Variants in AQR observed in about 807,000 individuals in gnomAD.
The protein encoded by AQR is aquarius intron-binding spliceosomal factor, also known as RNA helicase aquarius.
AQR carries 61 observed loss-of-function variants against 180.5 expected under a neutral mutation model. That is an observed-to-expected ratio of 0.34 (90% confidence interval 0.28 to 0.42). The LOEUF is 0.42. AQR is among the 10% of genes least tolerant of loss of function. AQR has a pLI of 1.00. For synonymous variants in AQR, 551 were observed against 588.8 expected (o/e 0.94, Z 0.93); for missense variants, 1,281 against 1,798.3 (o/e 0.71, Z 5.20).
chr15:34,946,972 G>A (rs1334712703), intron 5 of AQR, among the ~76,000 whole-genome samples: 1 of 152,048 alleles, frequency 6.6e-6, no homozygotes, highest in Non-Finnish European at 1.5e-5. Context: ...GGGAAGTGAG[G>A]AGCCCCTCTG....
At chr15:34,908,861 C>G (rs74659190) in intron 17 of AQR, among the ~76,000 whole-genome samples, 16,799 of 152,124 alleles carry the variant, frequency 0.11, 1,037 homozygotes, top group Middle Eastern at 0.17. Flanking sequence ...AGTAAGTTAT[C>G]TCAGTTTATT....
intron 5 of AQR, among the ~76,000 whole-genome samples, chr15:34,945,586 A>G (rs1894099010): frequency 2.0e-5 from 3 of 152,182 alleles, no homozygotes; most frequent in East Asian, 1.9e-4. Flanking sequence ...CTGTATTTCT[A>G]TAATAGCTTG....
At chr15:34,935,464 T>A (rs898041019) in intron 9 of AQR, among the ~76,000 whole-genome samples, 8 of 152,196 alleles carry the variant, frequency 5.3e-5, no homozygotes, top group African/African-American at 1.9e-4. Context: ...CAGTGCCAGA[T>A]CTATAGAAGG....
chr15:34,918,108 T>C (rs1489212210), intron 15 of AQR, 150 bp downstream of exon 15: 1 of 749,974 alleles, frequency 1.3e-6, no homozygotes, highest in Admixed American at 3.2e-5. Context: ...ATACTAAATC[T>C]TTTCTAGCTT....
chr15:34,909,289 G>A (rs1180766649), intron 17 of AQR, among the ~76,000 whole-genome samples: 1 of 152,146 alleles, frequency 6.6e-6, no homozygotes, highest in Non-Finnish European at 1.5e-5. Context: ...CCTCTCACAG[G>A]ACAGCTGGGA....
At chr15:34,895,543 G>A (rs1893231171) in intron 22 of AQR, among the ~76,000 whole-genome samples, 1 of 151,836 alleles carries the variant, frequency 6.6e-6, no homozygotes, top group Non-Finnish European at 1.5e-5. Flanking sequence ...AAAGAAAGCT[G>A]CAGTAACGAT....
At chr15:34,946,466 G>C (rs1269743974) in intron 5 of AQR, among the ~76,000 whole-genome samples, 1 of 117,306 alleles carries the variant, frequency 8.5e-6, no homozygotes, top group South Asian at 3.0e-4. Flanking sequence ...CAGCCGCCCC[G>C]TCCAGGAGGG....
rs369222026 is a variant in AQR at position 34,948,320 on chromosome 15, T to C, written c.274A>G (p.Met92Val). Residue 92 changes from methionine to valine, a missense_variant, in exon 5 of 35, where the codon ATG becomes GTG. Physicochemically the swap from Met to Val is conservative, Grantham distance 21. Transcript: ENST00000156471. ...SPEVSSKAYL[M>V]SICCMVNEKF... ...TCATTCACCATACAGCAGATTGACA[T>C]TAAATAGGCCTTGCTAGATACCTCA... The C allele has an allele frequency of 6.2e-7, 1 of 1,613,530 alleles. No homozygotes were observed. The highest frequency in any genetic ancestry group is 8.5e-7 in the Non-Finnish European group (1 of 1,179,966).
intron 22 of AQR, among the ~76,000 whole-genome samples, chr15:34,894,754 T>C (rs1002101278): frequency 2.0e-5 from 3 of 152,130 alleles, no homozygotes; most frequent in Non-Finnish European, 4.4e-5. Flanking sequence ...GGAGTAAGTA[T>C]TTGCCAATCA....
intron 12 of AQR, among the ~76,000 whole-genome samples, chr15:34,929,869 C>T (rs1014671436): frequency 1.6e-4 from 25 of 152,080 alleles, no homozygotes; most frequent in African/African-American, 5.3e-4. Flanking sequence ...CTTTTTTGGG[C>T]GTATCTGAAT....
At chr15:34,929,266 A>G (rs1275224013) in intron 12 of AQR, among the ~76,000 whole-genome samples, 1 of 152,186 alleles carries the variant, frequency 6.6e-6, no homozygotes, top group African/African-American at 2.4e-5. Context: ...GCTTTTGCCC[A>G]TGCCTATGTC....
chr15:34,875,304 CACT>C lies in AQR; in HGVS notation c.3238-443_3238-441del, dbSNP rs772680484. On this transcript the variant is annotated intron_variant, in intron 28 of 34. Transcript: ENST00000156471. ...AAAAACTACCTTCTTTAATTATCTA[CACT>C]ACTACTTCAATTTCCTACTCTATAT... Among the ~76,000 whole-genome samples the C allele has an allele frequency of 1.6e-4, 24 of 152,298 alleles. 6 individuals carry two copies. The highest frequency in any genetic ancestry group is 3.9e-4 in the East Asian group (2 of 5,186).
Position 34,873,909 on chromosome 15 carries a change from G to A in AQR, c.3516C>T (p.Gly1172=). 1 of 1,611,980 alleles carries A rather than the reference G, an allele frequency of 6.2e-7. No individual in the cohort carries two copies. Among genetic ancestry groups the A allele is most frequent in the South Asian group, 1.1e-5 (1 of 90,728 alleles). ...TAATGAGCTGGAAGTCATACAGTAA[G>A]CCAGCATTTGCTGTACTAAACTCTG... The part of the protein sequence containing the change: ...LLPEFSTANA[G]LLYDFQLINV... The change falls in exon 30 of 35, where the codon GGC becomes GGT. Residue 1172 remains glycine (G), a synonymous_variant. Coordinates refer to ENST00000156471, the MANE Select transcript of AQR (RefSeq NM_014691.3).
Position 34,880,760 on chromosome 15 carries a change from T to C in AQR, c.3165+1742A>G, listed in dbSNP as rs1892961353. ...CATGAATGTGTGTCTATTTGTCCTT[T>C]GGGTGAGCACAGAATCAAAAGACAA... On this transcript the variant is annotated intron_variant, in intron 27 of 34. Coordinates refer to ENST00000156471, the MANE Select transcript of AQR (RefSeq NM_014691.3). Among the ~76,000 whole-genome samples the C allele has an allele frequency of 2.0e-5, 3 of 152,264 alleles. 1 individual carries two copies. The highest frequency in any genetic ancestry group is 2.0e-4 in the Admixed American group (3 of 15,292).
At chr15:34,968,422 T>A (rs982065799) in intron 1 of AQR, among the ~76,000 whole-genome samples, 9 of 151,890 alleles carry the variant, frequency 5.9e-5, no homozygotes, top group Admixed American at 2.6e-4. Context: ...CCGGCTAATT[T>A]TTTTTCTTTT....
intron 13 of AQR, among the ~76,000 whole-genome samples, chr15:34,926,091 C>T (rs189751554): frequency 1.3e-5 from 2 of 151,790 alleles, no homozygotes; most frequent in Admixed American, 1.3e-4. Context: ...GGCGTGAACC[C>T]GGGAGGCGGA....
intron 5 of AQR, among the ~76,000 whole-genome samples, chr15:34,945,310 A>T (rs1894093364): frequency 6.6e-6 from 1 of 151,832 alleles, no homozygotes. Context: ...ATTATTCCTC[A>T]CTCTCTATTA....
chr15:34,855,499 T>G lies in AQR; in HGVS notation c.*1293A>C, dbSNP rs1892575453. The G allele has an allele frequency of 6.6e-6, 1 of 151,454 alleles. No homozygotes were observed. The highest frequency in any genetic ancestry group is 6.6e-5 in the Admixed American group (1 of 15,164). The allele number at this position is 151,454 out of a possible 1,614,324, so 9.4% of individuals were successfully genotyped here. Reference sequence around the variant, plus strand: ...GGGAAATAGAGAACTAGTGGGCAATTTTCCCCTCTACACATACATATAAAC... The same window carrying G: ...GGGAAATAGAGAACTAGTGGGCAATGTTCCCCTCTACACATACATATAAAC... On this transcript the variant is annotated 3_prime_UTR_variant, in exon 35 of 35. Coordinates refer to ENST00000156471, the MANE Select transcript of AQR (RefSeq NM_014691.3).
chr15:34,909,775 C>T (rs1308558810), intron 17 of AQR, among the ~76,000 whole-genome samples: 2 of 152,106 alleles, frequency 1.3e-5, no homozygotes, highest in Non-Finnish European at 2.9e-5. Flanking sequence ...CTTTGGTGAA[C>T]ACTAATATTT....
Sources: gnomAD v4.1 joint callset for allele counts (sites outside exome capture counted in the v4.1 genomes callset) on GRCh38, gnomAD v4.1.1 for gene constraint, MANE v1.5 for transcripts, NCBI Gene and HGNC (gene_info 2026-07-23, HGNC 2026-07-21) for gene names.